FTO: variants seen among roughly 807,000 people sequenced by gnomAD.
FTO encodes FTO alpha-ketoglutarate dependent dioxygenase.
In FTO, 47 loss-of-function variants were observed where a neutral mutation model predicts 63.9. That is an observed-to-expected ratio of 0.74 (90% confidence interval 0.58 to 0.94). The LOEUF (loss-of-function observed/expected upper bound fraction) is 0.94. FTO is among the 40% of genes least tolerant of loss of function. The probability of loss-of-function intolerance (pLI) is 0.00; values close to 1 mark genes in which losing one functional copy is unlikely to be tolerated. For synonymous variants in FTO, 207 were observed against 224.4 expected (o/e 0.92, Z 0.69); for missense variants, 562 against 618.1 (o/e 0.91, Z 0.96).
intron 8 of FTO, among the ~76,000 whole-genome samples, chr16:54,089,506 G>A (rs765642076): frequency 5.3e-5 from 8 of 152,022 alleles, no homozygotes; most frequent in Non-Finnish European, 1.2e-4. Context: ...TGGGAGACAC[G>A]GTTAAGAGTT....
chr16:53,842,785 C>T (rs1251531883), intron 3 of FTO, among the ~76,000 whole-genome samples: 1 of 152,146 alleles, frequency 6.6e-6, no homozygotes, highest in Admixed American at 6.5e-5. Flanking sequence ...GCAATCCTCC[C>T]ACCTCAGCCT....
rs553334111 is a variant in FTO at position 53,758,141 on chromosome 16, T to A, written c.46-51999T>A. On this transcript the variant is annotated intron_variant, in intron 1 of 8. Coordinates refer to ENST00000471389, the MANE Select transcript of FTO (RefSeq NM_001080432.3). ...TTAATGAAAGCTGAAACTCTCAGTCTAGAGGAGACAGCAGGGACTGGTGGT... is the reference window on the plus strand; with the variant it reads ...TTAATGAAAGCTGAAACTCTCAGTCAAGAGGAGACAGCAGGGACTGGTGGT... Among the ~76,000 whole-genome samples, 129 of 152,338 alleles carry A rather than the reference T, an allele frequency of 8.5e-4. No homozygotes were observed. The Middle Eastern group carries it at 0.017, about 20-fold the overall frequency.
At chr16:53,938,562 AT>A (rs2082445965) in intron 8 of FTO, among the ~76,000 whole-genome samples, 2 of 152,174 alleles carry the variant, frequency 1.3e-5, no homozygotes, top group Non-Finnish European at 2.9e-5. Context: ...CTTTTTGTGT[AT>A]TTTGTATACC....
chr16:53,810,784 G>A (rs2078499218), intron 2 of FTO, among the ~76,000 whole-genome samples: 1 of 152,208 alleles, frequency 6.6e-6, no homozygotes, highest in Non-Finnish European at 1.5e-5. Flanking sequence ...AAGTCTAGGA[G>A]TACATGGCTA....
At chr16:53,823,101 G>A (rs535764089) in intron 2 of FTO, among the ~76,000 whole-genome samples, 16 of 151,748 alleles carry the variant, frequency 1.1e-4, no homozygotes, top group Admixed American at 1.0e-3. Flanking sequence ...TTCCATCTTC[G>A]CCTACTCCAA....
At chr16:53,755,282 C>T (rs1195647749) in intron 1 of FTO, among the ~76,000 whole-genome samples, 1 of 152,052 alleles carries the variant, frequency 6.6e-6, no homozygotes, top group Non-Finnish European at 1.5e-5. Flanking sequence ...TGATGGGAGG[C>T]GATTGGGCTG....
intron 4 of FTO, among the ~76,000 whole-genome samples, chr16:53,871,271 A>G (rs2080484011): frequency 6.6e-6 from 1 of 152,158 alleles, no homozygotes; most frequent in Non-Finnish European, 1.5e-5. Context: ...TCTTCCCTAG[A>G]ATTCAAATTA....
chr16:53,865,947 G>A (rs1321991035), intron 4 of FTO, among the ~76,000 whole-genome samples: 1 of 152,166 alleles, frequency 6.6e-6, no homozygotes, highest in Non-Finnish European at 1.5e-5. Flanking sequence ...GAAAAGGAAT[G>A]TTGAGAGGAG....
In FTO at chr16:53,891,076, C is replaced by T. The variant is rs538787393; in HGVS notation, c.1239+2125C>T. 8.6e-5 allele frequency among the ~76,000 whole-genome samples: 13 copies of T among 151,806 alleles called. No individual in the cohort carries two copies. In the South Asian group the frequency reaches 1.7e-3, roughly 19 times the overall value. ...CGCGATCTCAGCTCACTGCAACCTC[C>T]GCCTCCCGAGTTCAAGTGATTCTCC... On this transcript the variant is annotated intron_variant, in intron 7 of 8. Coordinates refer to ENST00000471389, the MANE Select transcript of FTO (RefSeq NM_001080432.3).
chr16:53,890,374 ATCCATCACC>A (rs1242410147), intron 7 of FTO, among the ~76,000 whole-genome samples: 1 of 152,124 alleles, frequency 6.6e-6, no homozygotes, highest in African/African-American at 2.4e-5. Flanking sequence ...CCATAAACCT[ATCCATCACC>A]TCCAAAAGTT....
Position 53,930,017 on chromosome 16 carries a change from T to A in FTO, c.1240-3968T>A, listed in dbSNP as rs181434251. 8.4e-4 allele frequency among the ~76,000 whole-genome samples: 128 copies of A among 152,226 alleles called. 1 individual carries two copies. The highest frequency in any genetic ancestry group is 2.9e-3 in the African/African-American group (121 of 41,530). On this transcript the variant is annotated intron_variant, in intron 7 of 8. Coordinates refer to ENST00000471389, the MANE Select transcript of FTO (RefSeq NM_001080432.3). ...GGACCACACTGTGAGGCAGTGATTC[T>A]CTCTTCAGCTCCATCTGTTTATGTG...
intron 8 of FTO, among the ~76,000 whole-genome samples, chr16:54,058,750 G>A (rs924040947): frequency 1.3e-5 from 2 of 152,106 alleles, no homozygotes; most frequent in African/African-American, 4.8e-5. Flanking sequence ...TGCATGAACC[G>A]GAGAATGATG....
intron 1 of FTO, among the ~76,000 whole-genome samples, chr16:53,751,052 T>G (rs74449711): frequency 0.034 from 5,198 of 152,308 alleles, 120 homozygotes; most frequent in Middle Eastern, 0.088. Flanking sequence ...TTAAAACAGA[T>G]GTGTCCAATC....
At chr16:53,742,191 C>T (rs1024998308) in intron 1 of FTO, among the ~76,000 whole-genome samples, 1 of 152,044 alleles carries the variant, frequency 6.6e-6, no homozygotes, top group Non-Finnish European at 1.5e-5. Flanking sequence ...TATCAGGAGG[C>T]AGGGATTATT....
intron 2 of FTO, among the ~76,000 whole-genome samples, chr16:53,820,192 A>G (rs2151760513): frequency 6.6e-6 from 1 of 151,890 alleles, no homozygotes; most frequent in African/African-American, 2.4e-5. Flanking sequence ...TATTTTTAGT[A>G]GAAACAGGGT....
chr16:53,866,950 C>G (rs2080334702), intron 4 of FTO, among the ~76,000 whole-genome samples: 1 of 151,958 alleles, frequency 6.6e-6, no homozygotes, highest in African/African-American at 2.4e-5. Flanking sequence ...AGAAGCTTAG[C>G]TTATTGATTT....
chr16:54,103,058 A>C (rs1278139734), intron 8 of FTO, among the ~76,000 whole-genome samples: 1 of 152,184 alleles, frequency 6.6e-6, no homozygotes, highest in African/African-American at 2.4e-5. Context: ...TGGGAGGCTG[A>C]GGATCACTGG....
intron 1 of FTO, among the ~76,000 whole-genome samples, chr16:53,784,309 C>T (rs564883508): frequency 1.3e-5 from 2 of 152,118 alleles, no homozygotes; most frequent in Non-Finnish European, 2.9e-5. Context: ...AAATAAATAA[C>T]CTAAACTGGT....
At chr16:53,872,899 A>G (rs1461126284) in intron 4 of FTO, among the ~76,000 whole-genome samples, 2 of 152,188 alleles carry the variant, frequency 1.3e-5, no homozygotes, top group Non-Finnish European at 2.9e-5. Flanking sequence ...CAGAGGTTGT[A>G]TAGATTTTGC....
Sources: gnomAD v4.1 joint callset for allele counts (sites outside exome capture counted in the v4.1 genomes callset) on GRCh38, gnomAD v4.1.1 for gene constraint, MANE v1.5 for transcripts, NCBI Gene and HGNC (gene_info 2026-07-23, HGNC 2026-07-21) for gene names.